Variants in BBX observed in about 807,000 individuals in gnomAD.
The protein encoded by BBX is HMG box transcription factor BBX.
Under a neutral mutation model 100.2 loss-of-function variants are expected in BBX, and 30 were observed. The observed-to-expected ratio is 0.30, with a 90% CI of 0.22 to 0.41. The LOEUF is 0.41. Among genes scored for constraint, BBX ranks in the 10% least tolerant of loss-of-function variants. BBX has a pLI of 1.00. For missense variants in BBX, 1,023 were observed against 1,129.8 expected, an observed-to-expected ratio of 0.91 and a Z score of 1.35; for synonymous variants, 376 against 388.1, an observed-to-expected ratio of 0.97 and a Z score of 0.37.
rs1420007381 is a variant in BBX, at chr3:107,791,293, A to G, written c.2347A>G (p.Thr783Ala). ...ACTCTTCTTGGATGCCATTCACCCT[A>G]CAGAAGGTAAGACAAGCAATGTTAT... ...KQLFLDAIHP[T>A]EAIFSEDRNT... The change falls in exon 15 of 18, where the codon ACA becomes GCA. Residue 783 changes from threonine (T) to alanine (A), a missense_variant. Coordinates refer to ENST00000325805, the MANE Select transcript of BBX (RefSeq NM_001142568.3). The G allele has an allele frequency of 1.4e-5, 22 of 1,612,328 alleles. No individual in the cohort carries two copies. The highest frequency in any genetic ancestry group is 1.9e-5 in the Non-Finnish European group (22 of 1,178,710).
intron 2 of BBX, among the ~76,000 whole-genome samples, chr3:107,585,041 A>G (rs962916277): frequency 2.0e-5 from 3 of 152,128 alleles, no homozygotes; most frequent in African/African-American, 4.8e-5. Context: ...ATATAAGAAC[A>G]AAGCTTGGAG....
chr3:107,560,940 T>C (rs764993158), intron 2 of BBX, among the ~76,000 whole-genome samples: 1 of 152,238 alleles, frequency 6.6e-6, no homozygotes, highest in African/African-American at 2.4e-5. Context: ...GCAAGTGTAC[T>C]ATTGATATTT....
In BBX at chr3:107,704,396, C is replaced by T. The variant is rs1309522368; in HGVS notation, c.-9-6056C>T. Reference sequence around the variant, plus strand: ...GTGATGGCACCTGCACTCTGAAGGTCACAACCTTTTGTGGACGTGGAGATG... The same window carrying T: ...GTGATGGCACCTGCACTCTGAAGGTTACAACCTTTTGTGGACGTGGAGATG... On this transcript the variant is annotated intron_variant, in intron 3 of 17. Transcript: ENST00000325805. 4.6e-5 allele frequency among the ~76,000 whole-genome samples: 7 copies of T among 152,168 alleles called. No homozygotes were observed. In the South Asian group the frequency reaches 6.2e-4, roughly 13 times the overall value.
chr3:107,524,611 C>G (rs2047606309), intron 1 of BBX: 1 of 20,306 alleles, frequency 4.9e-5, no homozygotes, highest in Non-Finnish European at 9.6e-5. Context: ...ACATGTACGA[C>G]AGAGGGGGGG....
At chr3:107,636,234 G>A (rs1238645945) in intron 2 of BBX, among the ~76,000 whole-genome samples, 1 of 152,048 alleles carries the variant, frequency 6.6e-6, no homozygotes, top group Non-Finnish European at 1.5e-5. Context: ...GGTAGAATTA[G>A]GTCAGTCCCA....
intron 2 of BBX, among the ~76,000 whole-genome samples, chr3:107,626,654 A>ATT (rs11331777): frequency 7.6e-6 from 1 of 131,480 alleles, no homozygotes; most frequent in African/African-American, 2.9e-5. Flanking sequence ...TTTCCATAGG[A>ATT]TTTTTTTTTT....
chr3:107,772,065 G>A (rs1446170210), intron 10 of BBX, among the ~76,000 whole-genome samples: 1 of 149,882 alleles, frequency 6.7e-6, no homozygotes, highest in Non-Finnish European at 1.5e-5. Context: ...TTCTCAACCA[G>A]TAAGTATATA....
At chr3:107,630,914 T>G (rs1277598544) in intron 2 of BBX, among the ~76,000 whole-genome samples, 1 of 152,198 alleles carries the variant, frequency 6.6e-6, no homozygotes, top group Admixed American at 6.5e-5. Context: ...AGCCATGCTG[T>G]GAAGGTTCCC....
At chr3:107,683,874 G>A (rs2059700610) in intron 3 of BBX, among the ~76,000 whole-genome samples, 1 of 152,184 alleles carries the variant, frequency 6.6e-6, no homozygotes, top group Non-Finnish European at 1.5e-5. Flanking sequence ...AACCTTAAAA[G>A]CATAGTTCTT....
rs190766699 is a variant in BBX, at chr3:107,700,799, T to C, written c.-9-9653T>C. Among the ~76,000 whole-genome samples the C allele has an allele frequency of 6.2e-3, 945 of 151,800 alleles. 27 individuals are homozygous for C. Among genetic ancestry groups the C allele is most frequent in the African/African-American group, 0.022 (898 of 41,130 alleles). ...TTTTTATGGCTGCATAGTAGTATTCTATGGTGTATATGTGCCACATTTTCT... is the reference window on the plus strand; with the variant it reads ...TTTTTATGGCTGCATAGTAGTATTCCATGGTGTATATGTGCCACATTTTCT... On this transcript the variant is annotated intron_variant, in intron 3 of 17. Coordinates refer to ENST00000325805, the MANE Select transcript of BBX (RefSeq NM_001142568.3).
chr3:107,548,883 G>A (rs541986739), intron 2 of BBX, among the ~76,000 whole-genome samples: 3 of 152,150 alleles, frequency 2.0e-5, no homozygotes, highest in Non-Finnish European at 2.9e-5. Flanking sequence ...GCAAATTAAC[G>A]TAAGAACAGA....
Position 107,806,668 on chromosome 3 carries a change from A to G in BBX, c.*1211A>G, listed in dbSNP as rs932108997. The G allele has an allele frequency of 6.6e-6, 1 of 152,232 alleles. No individual in the cohort carries two copies. Among genetic ancestry groups the G allele is most frequent in the African/African-American group, 2.4e-5 (1 of 41,462 alleles). 9.4% of individuals were successfully genotyped at this position (152,232 alleles called of 1,614,324 possible). A position where few individuals can be genotyped will look rare whatever the true frequency, so the allele number is the denominator to read the frequency against. On this transcript the variant is annotated 3_prime_UTR_variant, in exon 18 of 18. Coordinates refer to ENST00000325805, the MANE Select transcript of BBX (RefSeq NM_001142568.3). ...GTTGCTTTTGAACATAAAACCAACCATACATAAGCAGCGCCAAGTGGATTA... is the reference window on the plus strand; with the variant it reads ...GTTGCTTTTGAACATAAAACCAACCGTACATAAGCAGCGCCAAGTGGATTA...
At chr3:107,568,598 C>G (rs1281678655) in intron 2 of BBX, among the ~76,000 whole-genome samples, 1 of 152,136 alleles carries the variant, frequency 6.6e-6, no homozygotes, top group Non-Finnish European at 1.5e-5. Context: ...TCTCCAATTT[C>G]TCTATTCTCA....
chr3:107,675,352 T>C (rs2059229317), intron 3 of BBX, among the ~76,000 whole-genome samples: 1 of 152,134 alleles, frequency 6.6e-6, no homozygotes, highest in Admixed American at 6.5e-5. Context: ...GAAATCGTGC[T>C]CCCTCAGCCT....
chr3:107,539,507 A>G (rs1385638716), intron 2 of BBX, among the ~76,000 whole-genome samples: 1 of 152,148 alleles, frequency 6.6e-6, no homozygotes, highest in African/African-American at 2.4e-5. Context: ...AAGTGGACCC[A>G]GTGGAGGGCC....
rs144712007 is a variant in BBX at position 107,653,753 on chromosome 3, C to T, written c.-10+7844C>T. Among the ~76,000 whole-genome samples the T allele has an allele frequency of 4.0e-3, 616 of 152,270 alleles. 5 individuals carry two copies. Among genetic ancestry groups the T allele is most frequent in the African/African-American group, 0.014 (590 of 41,544 alleles). ...AGAGTATCGAACATTACCATAGGCACTTAGAATGCCCTGGTTTCTGAGAGA... is the reference window on the plus strand; with the variant it reads ...AGAGTATCGAACATTACCATAGGCATTTAGAATGCCCTGGTTTCTGAGAGA... On this transcript the variant is annotated intron_variant, in intron 3 of 17. Coordinates refer to ENST00000325805, the MANE Select transcript of BBX (RefSeq NM_001142568.3).
At chr3:107,737,304 CAGAG>C (rs10575069) in intron 7 of BBX, among the ~76,000 whole-genome samples, 132,619 of 142,758 alleles carry the variant, frequency 0.93, 61,744 homozygotes, top group East Asian at 0.99. Flanking sequence ...TACATACACA[CAGAG>C]AGAGAGAGAG....
chr3:107,756,833 A>G (rs914441746), intron 10 of BBX, among the ~76,000 whole-genome samples: 1 of 152,162 alleles, frequency 6.6e-6, no homozygotes. Context: ...ATAGTTCTCA[A>G]AAGAACTGCA....
At chr3:107,639,987 C>G (rs1053389223) in intron 2 of BBX, among the ~76,000 whole-genome samples, 4 of 152,110 alleles carry the variant, frequency 2.6e-5, no homozygotes, top group African/African-American at 9.7e-5. Flanking sequence ...CTTTTCTACC[C>G]CTTAGTTTTT....
Sources: gnomAD v4.1 joint callset for allele counts (sites outside exome capture counted in the v4.1 genomes callset) on GRCh38, gnomAD v4.1.1 for gene constraint, MANE v1.5 for transcripts, NCBI Gene and HGNC (gene_info 2026-07-23, HGNC 2026-07-21) for gene names.